LRIG1: variants seen among roughly 807,000 people sequenced by gnomAD.
LRIG1 encodes leucine-rich repeats and immunoglobulin-like domains protein 1.
LRIG1 carries 48 observed loss-of-function variants against 99.2 expected under a neutral mutation model. The ratio of observed to expected loss-of-function variants is 0.48; its 90% CI spans 0.38 to 0.62. The LOEUF (loss-of-function observed/expected upper bound fraction) is 0.62. LRIG1 is among the 20% of genes least tolerant of loss of function. The pLI is 0.00. For missense variants in LRIG1, 1,646 were observed against 1,434.4 expected, an observed-to-expected ratio of 1.15 and a Z score of -2.38; for synonymous variants, 772 against 596.1, an observed-to-expected ratio of 1.29 and a Z score of -4.30.
chr3:66,409,129 TCTTAA>T (rs1702381435), intron 7 of LRIG1, among the ~76,000 whole-genome samples: 1 of 152,068 alleles, frequency 6.6e-6, no homozygotes, highest in South Asian at 2.1e-4. Flanking sequence ...GGCTTGGCAC[TCTTAA>T]CAATCATTCA....
chr3:66,478,605 G>A (rs910911350), intron 1 of LRIG1, among the ~76,000 whole-genome samples: 1 of 152,118 alleles, frequency 6.6e-6, no homozygotes, highest in African/African-American at 2.4e-5. Flanking sequence ...CCCAGGCCCT[G>A]GCACCATAAA....
Position 66,385,930 on chromosome 3 carries a change from G to T in LRIG1, c.1789+51C>A, listed in dbSNP as rs748308513. The T allele has an allele frequency of 2.4e-5, 36 of 1,507,722 alleles. No individual in the cohort carries two copies. In the South Asian group the frequency reaches 4.2e-4, roughly 18 times the overall value. The allele number at this position is 1,507,722 out of a possible 1,614,324, so 93.4% of individuals were successfully genotyped here. On this transcript the variant is annotated intron_variant, in intron 13 of 18. Transcript: ENST00000273261. The stretch of plus-strand genomic sequence containing the variant: ...CATGGAAAGCTGAAAGGGCAATCAG[G>T]AGTGTGCTTTGTAGGATTCTGGTAC...
At chr3:66,440,173 T>C (rs1451905601) in intron 3 of LRIG1, among the ~76,000 whole-genome samples, 1 of 152,148 alleles carries the variant, frequency 6.6e-6, no homozygotes, top group Non-Finnish European at 1.5e-5. Context: ...TGAAATGACC[T>C]GGAGAGCTTT....
rs143227950 is a variant in LRIG1, at chr3:66,403,584, C to A, written c.1160+1614G>T. On this transcript the variant is annotated intron_variant, in intron 9 of 18. Transcript: ENST00000273261. ...TCAGGTGGAAGAGCTGAGCCTAGTC[C>A]AGCAGGGGGACAAAGGAGAAAGCAC... Among the ~76,000 whole-genome samples the A allele has an allele frequency of 5.0e-3, 762 of 152,230 alleles. 11 individuals carry two copies. Among genetic ancestry groups the A allele is most frequent in the African/African-American group, 0.013 (556 of 41,498 alleles).
chr3:66,435,182 C>G (rs954160907), intron 3 of LRIG1, among the ~76,000 whole-genome samples: 2 of 152,150 alleles, frequency 1.3e-5, no homozygotes, highest in Admixed American at 1.3e-4. Context: ...AAAAGCCAAT[C>G]CCAAAAGGTT....
intron 12 of LRIG1, among the ~76,000 whole-genome samples, chr3:66,393,377 T>TC (rs1374603770): frequency 6.6e-6 from 1 of 152,234 alleles, no homozygotes; most frequent in Non-Finnish European, 1.5e-5. Context: ...TTTGACCATG[T>TC]CTTCCTGACC....
At chr3:66,501,050 C>G (rs1353073245), upstream of LRIG1, 2 of 152,608 alleles carry the variant, frequency 1.3e-5, no homozygotes, top group Non-Finnish European at 2.9e-5. Flanking sequence ...CCAGCCCCGG[C>G]CGGTCCCCCA....
At chr3:66,442,414 G>A (rs1011255620) in intron 3 of LRIG1, among the ~76,000 whole-genome samples, 1 of 152,248 alleles carries the variant, frequency 6.6e-6, no homozygotes, top group Middle Eastern at 3.4e-3. Context: ...AGTGGTAACT[G>A]GATTACAGAA....
At chr3:66,395,769 T>G (rs1701824831) in intron 11 of LRIG1, among the ~76,000 whole-genome samples, 1 of 152,140 alleles carries the variant, frequency 6.6e-6, no homozygotes, top group Non-Finnish European at 1.5e-5. Flanking sequence ...CTCCCAGGAG[T>G]GCACCCTGCA....
intron 1 of LRIG1, among the ~76,000 whole-genome samples, chr3:66,485,457 G>A (rs1464252102): frequency 2.0e-5 from 3 of 152,156 alleles, no homozygotes; most frequent in Non-Finnish European, 2.9e-5. Context: ...AAGGCTGTCT[G>A]TGAGCTGGTT....
At chr3:66,417,090 C>A in intron 4 of LRIG1, 39 bp downstream of exon 4, 2 of 1,606,468 alleles carry the variant, frequency 1.2e-6, no homozygotes, top group Non-Finnish European at 1.7e-6. Flanking sequence ...TGGCTGGACA[C>A]AGCGGGCCAG....
At chr3:66,474,518 G>C (rs1700674647) in intron 1 of LRIG1, among the ~76,000 whole-genome samples, 1 of 152,010 alleles carries the variant, frequency 6.6e-6, no homozygotes, top group Admixed American at 6.6e-5. Context: ...GCTAATTCTT[G>C]TATTTTTAGT....
intron 8 of LRIG1, 26 bp from the exon 9 acceptor site, chr3:66,405,304 A>T (rs1702226051): frequency 6.3e-7 from 1 of 1,587,376 alleles, no homozygotes; most frequent in African/African-American, 1.3e-5. Flanking sequence ...AAAGCAGCTC[A>T]CCGAGCAGTC....
At chr3:66,453,594 A>T (rs1703978146) in intron 2 of LRIG1, among the ~76,000 whole-genome samples, 1 of 152,204 alleles carries the variant, frequency 6.6e-6, no homozygotes, top group Non-Finnish European at 1.5e-5. Flanking sequence ...ATCAGGTACC[A>T]GGTTAACTAC....
intron 1 of LRIG1, among the ~76,000 whole-genome samples, chr3:66,481,199 C>T (rs1009961612): frequency 6.6e-6 from 1 of 152,190 alleles, no homozygotes; most frequent in African/African-American, 2.4e-5. Context: ...GGCCCAAAGT[C>T]TAATGGGGCC....
intron 3 of LRIG1, among the ~76,000 whole-genome samples, chr3:66,422,748 C>G (rs116404459): frequency 0.057 from 8,677 of 152,296 alleles, 307 homozygotes; most frequent in South Asian, 0.14. Flanking sequence ...TCTACTGGTA[C>G]CAATTTACTG....
intron 16 of LRIG1, 25 bp from the exon 17 acceptor site, chr3:66,381,656 A>G (rs1373361463): frequency 6.2e-7 from 1 of 1,604,780 alleles, no homozygotes; most frequent in South Asian, 1.1e-5. Flanking sequence ...CAACACGATT[A>G]GAAACTCTGG....
At chr3:66,447,328 C>T (rs1185728278) in intron 3 of LRIG1, among the ~76,000 whole-genome samples, 2 of 151,946 alleles carry the variant, frequency 1.3e-5, no homozygotes, top group African/African-American at 2.4e-5. Context: ...TTTTTTTGTA[C>T]CCATTGACCA....
At chr3:66,461,556 G>A (rs1235140796) in intron 2 of LRIG1, among the ~76,000 whole-genome samples, 1 of 152,068 alleles carries the variant, frequency 6.6e-6, no homozygotes, top group South Asian at 2.1e-4. Flanking sequence ...AAACCACAAT[G>A]TACAGTTTGA....
Sources: gnomAD v4.1 joint callset for allele counts (sites outside exome capture counted in the v4.1 genomes callset) on GRCh38, gnomAD v4.1.1 for gene constraint, MANE v1.5 for transcripts, NCBI Gene and HGNC (gene_info 2026-07-23, HGNC 2026-07-21) for gene names.